SMIM36: variants seen among roughly 807,000 people sequenced by gnomAD.
SMIM36 encodes small integral membrane protein 36.
intron 1 of SMIM36, among the ~76,000 whole-genome samples, chr17:55,480,649 A>C (rs1483391504): frequency 6.6e-6 from 1 of 152,218 alleles, no homozygotes; most frequent in Non-Finnish European, 1.5e-5. Flanking sequence ...AATAATGATC[A>C]TATGGGCAGA....
rs1450950988 is a variant in SMIM36 at position 55,485,797 on chromosome 17, G to A, written c.*175-6217C>T. Reference sequence around the variant, plus strand: ...TCTACTGTTATCATTCCCATCTTACGTATGAGGAAACGGAGGCACTGAGAA... The same window carrying A: ...TCTACTGTTATCATTCCCATCTTACATATGAGGAAACGGAGGCACTGAGAA... On this transcript the variant is annotated intron_variant, in intron 1 of 4. Coordinates refer to ENST00000636752, the Ensembl canonical transcript of SMIM36. Among the ~76,000 whole-genome samples, 3 of 152,204 alleles carry A rather than the reference G, an allele frequency of 2.0e-5. 1 individual carries two copies. The highest frequency in any genetic ancestry group is 4.8e-5 in the African/African-American group (2 of 41,538).
chr17:55,466,250 C>T (rs981977121), intron 4 of SMIM36, among the ~76,000 whole-genome samples: 28 of 128,194 alleles, frequency 2.2e-4, no homozygotes, highest in African/African-American at 8.2e-4. Context: ...GTACTCCAGC[C>T]TGGGCAACAA....
chr17:55,486,762 A>T (rs571980922), intron 1 of SMIM36, among the ~76,000 whole-genome samples: 1 of 152,182 alleles, frequency 6.6e-6, no homozygotes, highest in Non-Finnish European at 1.5e-5. Flanking sequence ...TCAATTCCCT[A>T]TTCCTTACTT....
chr17:55,528,645 C>T, the SMIM36 span, among the ~76,000 whole-genome samples: 5 of 151,566 alleles, frequency 3.3e-5, no homozygotes, highest in Non-Finnish European at 7.4e-5. Flanking sequence ...CTCTGCCTCC[C>T]GGGTTCAAGC....
At chr17:55,481,174 G>A (rs1909514905) in intron 1 of SMIM36, among the ~76,000 whole-genome samples, 1 of 151,680 alleles carries the variant, frequency 6.6e-6, no homozygotes, top group African/African-American at 2.4e-5. Flanking sequence ...ATGGCACTAA[G>A]ACTTAAGATA....
chr17:55,509,825 AAC>A (rs1315462645), intron 1 of SMIM36, among the ~76,000 whole-genome samples: 1 of 152,164 alleles, frequency 6.6e-6, no homozygotes, highest in Non-Finnish European at 1.5e-5. Flanking sequence ...CAGGGGAAAA[AAC>A]ATACCATTCA....
At chr17:55,525,406 C>T in the SMIM36 span, among the ~76,000 whole-genome samples, 1 of 152,142 alleles carries the variant, frequency 6.6e-6, no homozygotes, top group Admixed American at 6.6e-5. Context: ...AAGTCCAAAT[C>T]CTACCTCCCC....
At chr17:55,529,807 A>ACAAACAAAC in the SMIM36 span, among the ~76,000 whole-genome samples, 23 of 152,252 alleles carry the variant, frequency 1.5e-4, no homozygotes, top group African/African-American at 5.1e-4. Context: ...AAACAAACAA[A>ACAAACAAAC]AAACAAAACA....
At chr17:55,494,350 C>T (rs577659240) in intron 1 of SMIM36, among the ~76,000 whole-genome samples, 1 of 152,248 alleles carries the variant, frequency 6.6e-6, no homozygotes, top group South Asian at 2.1e-4. Context: ...AGGAACTCTG[C>T]AAAGCATCCT....
At chr17:55,468,682 G>A (rs973969266) in intron 3 of SMIM36, among the ~76,000 whole-genome samples, 6 of 152,126 alleles carry the variant, frequency 3.9e-5, no homozygotes, top group Middle Eastern at 3.4e-3. Flanking sequence ...CCCCTTCTCC[G>A]TGTCTCTACC....
rs1317068749 is a variant in SMIM36, at chr17:55,501,092, T to C, written c.*174+9787A>G. Among the ~76,000 whole-genome samples, 22 of 89,814 alleles carry C rather than the reference T, an allele frequency of 2.4e-4. 6 individuals carry two copies. Among genetic ancestry groups the C allele is most frequent in the African/African-American group, 7.5e-4 (18 of 23,960 alleles). The allele number at this position is 89,814 out of a possible 152,430, so 58.9% of individuals were successfully genotyped here. On this transcript the variant is annotated intron_variant, in intron 1 of 4. Transcript: ENST00000636752. ...TATATTATAATATATAATATACTAT[T>C]ATATTTTATAATATATAATATATAT...
intron 1 of SMIM36, among the ~76,000 whole-genome samples, chr17:55,501,489 A>C (rs1196930295): frequency 2.0e-5 from 2 of 100,136 alleles, no homozygotes; most frequent in African/African-American, 8.2e-5. Context: ...TATTATATAT[A>C]ATATAATATA....
chr17:55,511,088 G>C (rs957954410), exon 1 of SMIM36: 16 of 398,424 alleles, frequency 4.0e-5, no homozygotes, highest in East Asian at 2.5e-4. Context: ...AGTGGAGCAG[G>C]ATCCCCCAAA....
chr17:55,457,806 T>G (rs7211104), intron 4 of SMIM36, among the ~76,000 whole-genome samples: 107,845 of 151,950 alleles, frequency 0.71, 38,912 homozygotes, highest in Non-Finnish European at 0.75. Flanking sequence ...GATTAAAGGC[T>G]TGAGCTACCG....
chr17:55,504,211 T>C (rs1268956011), intron 1 of SMIM36, among the ~76,000 whole-genome samples: 1 of 88,260 alleles, frequency 1.1e-5, no homozygotes, highest in African/African-American at 7.2e-5. Flanking sequence ...AACTCAGCTC[T>C]GCACCAAGTG....
At chr17:55,491,135 G>A (rs561485892) in intron 1 of SMIM36, among the ~76,000 whole-genome samples, 18 of 151,424 alleles carry the variant, frequency 1.2e-4, no homozygotes, top group Middle Eastern at 3.4e-3. Flanking sequence ...TCAGCTACTC[G>A]GGAGACCGAA....
chr17:55,512,089 G>A (rs1910191401), upstream of SMIM36, among the ~76,000 whole-genome samples: 1 of 152,168 alleles, frequency 6.6e-6, no homozygotes, highest in Non-Finnish European at 1.5e-5. Flanking sequence ...CAAATAGAGG[G>A]TAAGAGGACA....
chr17:55,507,992 C>G (rs3931318), intron 1 of SMIM36, among the ~76,000 whole-genome samples: 50,578 of 151,826 alleles, frequency 0.33, 9,940 homozygotes, highest in Non-Finnish European at 0.44. Context: ...TTGGGCATGA[C>G]TGGTGCTTTT....
At chr17:55,476,681 C>T (rs928727186) in intron 3 of SMIM36, among the ~76,000 whole-genome samples, 19 of 152,142 alleles carry the variant, frequency 1.2e-4, no homozygotes, top group African/African-American at 4.3e-4. Context: ...AATTCTCCCA[C>T]CTCAGCCTCC....
Sources: gnomAD v4.1 joint callset for allele counts (sites outside exome capture counted in the v4.1 genomes callset) on GRCh38, gnomAD v4.1.1 for gene constraint, MANE v1.5 for transcripts, NCBI Gene and HGNC (gene_info 2026-07-23, HGNC 2026-07-21) for gene names.